The following SPATA17 variants were observed in gnomAD, a reference collection of about 807,000 sequenced individuals.
SPATA17 encodes spermatogenesis associated 17, also known as spermatogenesis-associated protein 17.
SPATA17 carries 53 observed loss-of-function variants against 62.2 expected under a neutral mutation model. That is an observed-to-expected ratio of 0.85 (90% CI 0.68 to 1.07). The LOEUF (loss-of-function observed/expected upper bound fraction) is 1.07, where lower values mean the gene tolerates loss of function less well. Among genes scored for constraint, SPATA17 ranks in the 50% least tolerant of loss-of-function variants. SPATA17 has a pLI of 0.00. For missense variants in SPATA17, 466 were observed against 425.5 expected (o/e 1.10, Z -0.84); for synonymous variants, 146 against 146.8 (o/e 0.99, Z 0.04).
At chr1:217,864,519 G>T (rs1675968591) in intron 10 of SPATA17, among the ~76,000 whole-genome samples, 1 of 151,958 alleles carries the variant, frequency 6.6e-6, no homozygotes, top group Non-Finnish European at 1.5e-5. Flanking sequence ...ACATATGTGT[G>T]TATACATATA....
At chr1:217,826,034 C>T (rs1674993018) in intron 9 of SPATA17, among the ~76,000 whole-genome samples, 3 of 151,928 alleles carry the variant, frequency 2.0e-5, no homozygotes, top group African/African-American at 7.3e-5. Context: ...ATTTTTGTTA[C>T]TATATGAGTC....
intron 9 of SPATA17, among the ~76,000 whole-genome samples, chr1:217,808,524 C>T (rs1429661248): frequency 6.6e-6 from 1 of 151,956 alleles, no homozygotes; most frequent in Admixed American, 6.6e-5. Context: ...ATTTGCATAC[C>T]GCCTCCTTCC....
At chr1:217,840,488 T>C (rs1311733569) in intron 9 of SPATA17, among the ~76,000 whole-genome samples, 1 of 152,116 alleles carries the variant, frequency 6.6e-6, no homozygotes. Flanking sequence ...TATTAACCAT[T>C]ACACTATAGT....
chr1:217,834,540 C>A (rs1675218564), intron 9 of SPATA17, among the ~76,000 whole-genome samples: 1 of 151,256 alleles, frequency 6.6e-6, no homozygotes, highest in African/African-American at 2.4e-5. Flanking sequence ...TATTTTTTAA[C>A]AAAAATTTTA....
chr1:217,740,807 T>C (rs1269832708), intron 5 of SPATA17, among the ~76,000 whole-genome samples: 1 of 152,300 alleles, frequency 6.6e-6, no homozygotes, highest in African/African-American at 2.4e-5. Context: ...TAAGCAATTT[T>C]CAAGAGAAGG....
chr1:217,842,843 A>T (rs905261303), intron 9 of SPATA17, among the ~76,000 whole-genome samples: 1 of 151,976 alleles, frequency 6.6e-6, no homozygotes, highest in Non-Finnish European at 1.5e-5. Flanking sequence ...TATTTAAATG[A>T]TTTATTTTCA....
chr1:217,696,090 G>T lies in SPATA17; in HGVS notation c.395+12729G>T, dbSNP rs11117908. Among the ~76,000 whole-genome samples, 41 of 152,196 alleles carry T rather than the reference G, an allele frequency of 2.7e-4. No homozygotes were observed. The South Asian group carries it at 7.7e-3, about 28-fold the overall frequency. The stretch of plus-strand genomic sequence containing the variant: ...GGCAATGGCGGGCGCCCCTCTGCTA[G>T]CCTTGCTGCCGCCTTGCAGTTTGAT... On this transcript the variant is annotated intron_variant, in intron 5 of 10. Coordinates refer to ENST00000366933, the MANE Select transcript of SPATA17 (RefSeq NM_138796.4).
At chr1:217,749,196 G>A (rs889627444) in intron 6 of SPATA17, among the ~76,000 whole-genome samples, 10 of 152,098 alleles carry the variant, frequency 6.6e-5, no homozygotes, top group Admixed American at 2.0e-4. Context: ...GGACCTCTTA[G>A]ACCTTATCTC....
At chr1:217,835,541 T>C (rs1370620427) in intron 9 of SPATA17, among the ~76,000 whole-genome samples, 1 of 152,174 alleles carries the variant, frequency 6.6e-6, no homozygotes, top group African/African-American at 2.4e-5. Context: ...CCCTAGTGCA[T>C]TGAATAACCG....
At chr1:217,865,781 A>T (rs766384895) in intron 10 of SPATA17, among the ~76,000 whole-genome samples, 4 of 152,212 alleles carry the variant, frequency 2.6e-5, no homozygotes, top group Non-Finnish European at 5.9e-5. Context: ...GTGAGTTTTC[A>T]TGCATTACAG....
intron 9 of SPATA17, among the ~76,000 whole-genome samples, chr1:217,823,891 A>T (rs916794281): frequency 6.6e-6 from 1 of 151,774 alleles, no homozygotes; most frequent in Non-Finnish European, 1.5e-5. Context: ...TTACTGTTTT[A>T]CTATTTTATC....
At chr1:217,747,545 A>C (rs2102952538) in intron 6 of SPATA17, among the ~76,000 whole-genome samples, 1 of 152,318 alleles carries the variant, frequency 6.6e-6, no homozygotes, top group African/African-American at 2.4e-5. Flanking sequence ...ATAGAATTAT[A>C]CACGGCAATA....
At chr1:217,743,716 T>A (rs1672678216) in intron 6 of SPATA17, among the ~76,000 whole-genome samples, 1 of 151,934 alleles carries the variant, frequency 6.6e-6, no homozygotes, top group Non-Finnish European at 1.5e-5. Flanking sequence ...TTCAAGCAAT[T>A]CTCCTGCCTC....
chr1:217,848,060 A>G (rs1675567617), intron 9 of SPATA17, among the ~76,000 whole-genome samples: 1 of 152,198 alleles, frequency 6.6e-6, no homozygotes, highest in Non-Finnish European at 1.5e-5. Flanking sequence ...TAAATTACCA[A>G]GAGGAATACA....
At chr1:217,848,004 C>G (rs1675566517) in intron 9 of SPATA17, among the ~76,000 whole-genome samples, 1 of 152,084 alleles carries the variant, frequency 6.6e-6, no homozygotes. Flanking sequence ...CTACTGCTCT[C>G]CAGCCTGTGC....
In SPATA17 at chr1:217,862,869, G is replaced by A. The variant is rs774305042; in HGVS notation, c.*2+13G>A. The A allele has an allele frequency of 1.7e-5, 26 of 1,536,050 alleles. No homozygotes were observed. In the East Asian group the frequency reaches 5.7e-4, roughly 34 times the overall value. On this transcript the variant is annotated intron_variant, in intron 10 of 10. Transcript: ENST00000366933. ...AGATTGTATAAAGGTATGACTTTTT[G>A]CTAAGAAGTAATTCAAAAAGTATAT...
At chr1:217,769,965 G>A (rs1673397231) in intron 6 of SPATA17, among the ~76,000 whole-genome samples, 1 of 152,180 alleles carries the variant, frequency 6.6e-6, no homozygotes, top group Non-Finnish European at 1.5e-5. Flanking sequence ...ATTATTTGCT[G>A]AGTGGGATTT....
At chr1:217,714,304 T>C (rs1367023751) in intron 5 of SPATA17, among the ~76,000 whole-genome samples, 2 of 151,504 alleles carry the variant, frequency 1.3e-5, no homozygotes, top group Non-Finnish European at 2.9e-5. Flanking sequence ...CAGGAGAATG[T>C]CTTGAACCCG....
chr1:217,783,965 A>C (rs960324406), intron 8 of SPATA17, among the ~76,000 whole-genome samples: 2 of 152,136 alleles, frequency 1.3e-5, no homozygotes, highest in Non-Finnish European at 2.9e-5. Flanking sequence ...ATCAGAAAAA[A>C]ACCAAGTTGC....
Sources: gnomAD v4.1 joint callset for allele counts (sites outside exome capture counted in the v4.1 genomes callset) on GRCh38, gnomAD v4.1.1 for gene constraint, MANE v1.5 for transcripts, NCBI Gene and HGNC (gene_info 2026-07-23, HGNC 2026-07-21) for gene names.